The following DOCK7 variants were observed in gnomAD, a reference collection of about 807,000 sequenced individuals.
DOCK7 encodes the protein dedicator of cytokinesis 7.
DOCK7 carries 138 observed loss-of-function variants against 271.0 expected under a neutral mutation model. That is an observed-to-expected ratio of 0.51 (90% CI 0.44 to 0.59). DOCK7 has a LOEUF of 0.59. Among genes scored for constraint, DOCK7 ranks in the 20% least tolerant of loss-of-function variants. The pLI is 0.00. For missense variants in DOCK7, 2,066 were observed against 2,592.4 expected (o/e 0.80, Z 4.41); for synonymous variants, 823 against 876.1 (o/e 0.94, Z 1.07).
intron 12 of DOCK7, among the ~76,000 whole-genome samples, chr1:62,623,170 G>C (rs1171470039): frequency 1.3e-5 from 2 of 152,160 alleles, no homozygotes; most frequent in African/African-American, 4.8e-5. Flanking sequence ...ACTGCCTTCT[G>C]TGTCTCATTT....
At chr1:62,620,175 T>G (rs1652980259) in intron 12 of DOCK7, among the ~76,000 whole-genome samples, 182 bp from the exon 13 acceptor site, 1 of 151,716 alleles carries the variant, frequency 6.6e-6, no homozygotes, top group Non-Finnish European at 1.5e-5. Flanking sequence ...CAAAAAAAAT[T>G]AGCCAGGCAT....
intron 48 of DOCK7, among the ~76,000 whole-genome samples, chr1:62,469,906 CAA>C (rs35490114): frequency 0.054 from 7,436 of 137,636 alleles, 318 homozygotes; most frequent in African/African-American, 0.13. Context: ...ATCAAAAACT[CAA>C]AAAAAAAAAA....
intron 1 of DOCK7, among the ~76,000 whole-genome samples, chr1:62,663,953 G>C (rs570714241): frequency 6.6e-6 from 1 of 152,014 alleles, no homozygotes; most frequent in Non-Finnish European, 1.5e-5. Context: ...TCCTTCAATG[G>C]GTAACTGGAT....
chr1:62,578,476 T>C (rs1647005055), intron 17 of DOCK7, among the ~76,000 whole-genome samples: 2 of 152,108 alleles, frequency 1.3e-5, no homozygotes, highest in African/African-American at 4.8e-5. Context: ...TCCTAGCACT[T>C]TGGGAGGCCG....
chr1:62,548,396 G>T (rs1645782234), intron 22 of DOCK7, among the ~76,000 whole-genome samples: 1 of 150,334 alleles, frequency 6.7e-6, no homozygotes, highest in East Asian at 2.0e-4. Context: ...ATGACATAAT[G>T]ACTTAATTTT....
intron 12 of DOCK7, among the ~76,000 whole-genome samples, chr1:62,623,526 T>G (rs575089504): frequency 6.6e-6 from 1 of 152,238 alleles, no homozygotes; most frequent in Non-Finnish European, 1.5e-5. Flanking sequence ...GTAGATGGCT[T>G]ATTGATTTAT....
intron 1 of DOCK7, among the ~76,000 whole-genome samples, chr1:62,681,214 G>A (rs1296678860): frequency 1.3e-5 from 2 of 152,006 alleles, no homozygotes; most frequent in Non-Finnish European, 2.9e-5. Flanking sequence ...CATAAAAAAG[G>A]ATGAGTTCAT....
intron 14 of DOCK7, among the ~76,000 whole-genome samples, chr1:62,616,412 G>A (rs185624419): frequency 2.0e-5 from 3 of 151,798 alleles, no homozygotes; most frequent in East Asian, 1.9e-4. Flanking sequence ...AAATAATGGT[G>A]TAGATTTTGA....
At chr1:62,463,102 C>T (rs1645577542) in intron 48 of DOCK7, among the ~76,000 whole-genome samples, 3 of 151,814 alleles carry the variant, frequency 2.0e-5, no homozygotes, top group Non-Finnish European at 4.4e-5. Flanking sequence ...CACACAAATA[C>T]CCTTAGAAAT....
At position 62,489,096 on chromosome 1, in the gene DOCK7, T is replaced by C. The variant is rs770140540; in HGVS notation, c.5362-31A>G. The C allele has an allele frequency of 6.5e-6, 10 of 1,532,564 alleles. No homozygotes were observed. The Admixed American group carries it at 1.8e-4, about 27-fold the overall frequency. 94.9% of individuals were successfully genotyped at this position (1,532,564 alleles called of 1,614,324 possible). A position where few individuals can be genotyped will look rare whatever the true frequency, so the allele number is the denominator to read the frequency against. On this transcript the variant is annotated intron_variant, in intron 41 of 49. Coordinates refer to ENST00000635253, the MANE Select transcript of DOCK7 (RefSeq NM_001367561.1). Reference sequence around the variant, plus strand: ...AGAAAAAATTTTGTTAAGATGTTGCTTTCTTTTACATCAATAAGAAAGAAA... The same window carrying C: ...AGAAAAAATTTTGTTAAGATGTTGCCTTCTTTTACATCAATAAGAAAGAAA...
At chr1:62,553,354 ATTTTTTTTTTTTTTTTTTT>A (rs1159680880) in intron 21 of DOCK7, among the ~76,000 whole-genome samples, 843 of 17,164 alleles carry the variant, frequency 0.049, 5 homozygotes, top group Admixed American at 0.084. Context: ...ATATATATAT[ATTTTTTTTTTTTTTTTTTT>A]TTTTTTTTTT....
chr1:62,508,203 CAGT>C, intron 34 of DOCK7, 145 bp from the exon 35 acceptor site: 2 of 707,364 alleles, frequency 2.8e-6, no homozygotes, highest in Non-Finnish European at 4.4e-6. Flanking sequence ...AGAAAAAAGG[CAGT>C]AGTTTACACA....
intron 11 of DOCK7, among the ~76,000 whole-genome samples, 174 bp from the exon 12 acceptor site, chr1:62,625,575 TG>T (rs1653846358): frequency 6.6e-6 from 1 of 152,214 alleles, no homozygotes. Context: ...CTAAATCTTC[TG>T]GTTGTCTTTT....
intron 14 of DOCK7, chr1:62,598,137 C>A: frequency 1.5e-6 from 2 of 1,334,652 alleles, no homozygotes; most frequent in Non-Finnish European, 2.0e-6. Context: ...CTAAGGCATG[C>A]CATTTGAAAT....
At chr1:62,548,182 C>G (rs1036065510) in intron 22 of DOCK7, among the ~76,000 whole-genome samples, 45 of 149,940 alleles carry the variant, frequency 3.0e-4, no homozygotes, top group African/African-American at 1.1e-3. Context: ...ATAATTAATT[C>G]ATATGCTACA....
chr1:62,553,332 A>ATG (rs1557706107), intron 21 of DOCK7, among the ~76,000 whole-genome samples: 12 of 3,848 alleles, frequency 3.1e-3, no homozygotes, highest in African/African-American at 0.013. Flanking sequence ...ATATATATAT[A>ATG]TATATATATA....
chr1:62,601,745 G>C, intron 14 of DOCK7: 1 of 1,449,908 alleles, frequency 6.9e-7, no homozygotes, highest in Non-Finnish European at 9.7e-7. Context: ...TAAATCTGAT[G>C]TAATAACATT....
chr1:62,565,763 T>C (rs1454509170), intron 18 of DOCK7, among the ~76,000 whole-genome samples: 1 of 152,104 alleles, frequency 6.6e-6, no homozygotes, highest in African/African-American at 2.4e-5. Context: ...AAAGAGGAAG[T>C]CAAATTGTCT....
chr1:62,648,346 ATATT>A (rs746937702), intron 5 of DOCK7, 28 bp from the exon 6 acceptor site: 1 of 1,428,368 alleles, frequency 7.0e-7, no homozygotes, highest in Non-Finnish European at 9.2e-7. Context: ...AAATATAAAT[ATATT>A]AATTAATAAA....
Sources: gnomAD v4.1 joint callset for allele counts (sites outside exome capture counted in the v4.1 genomes callset) on GRCh38, gnomAD v4.1.1 for gene constraint, MANE v1.5 for transcripts, NCBI Gene and HGNC (gene_info 2026-07-23, HGNC 2026-07-21) for gene names.